Variants in PRKG1 observed in about 807,000 individuals in gnomAD.
The protein encoded by PRKG1 is protein kinase cGMP-dependent 1.
A neutral mutation model predicts 88.1 loss-of-function variants in PRKG1; 35 were observed. The ratio of observed to expected loss-of-function variants is 0.40; its 90% CI spans 0.30 to 0.53. The LOEUF is 0.53. Among genes scored for constraint, PRKG1 ranks in the 20% least tolerant of loss-of-function variants. PRKG1 has a pLI of 0.59. For synonymous variants in PRKG1, 303 were observed against 292.5 expected, an observed-to-expected ratio of 1.04 and a Z score of -0.37; for missense variants, 540 against 839.8, an observed-to-expected ratio of 0.64 and a Z score of 4.41.
At chr10:51,819,639 G>T (rs1420506163) in intron 4 of PRKG1, among the ~76,000 whole-genome samples, 2 of 152,118 alleles carry the variant, frequency 1.3e-5, no homozygotes, top group Non-Finnish European at 2.9e-5. Context: ...AGTGTTTGCA[G>T]GAGTCAGGAA....
chr10:51,247,405 A>G (rs1469502021), intron 2 of PRKG1, among the ~76,000 whole-genome samples: 1 of 152,044 alleles, frequency 6.6e-6, no homozygotes, highest in Non-Finnish European at 1.5e-5. Flanking sequence ...GAATTACATG[A>G]GCAAAACACA....
intron 2 of PRKG1, among the ~76,000 whole-genome samples, chr10:51,335,800 T>A (rs1841861668): frequency 6.6e-6 from 1 of 152,178 alleles, no homozygotes; most frequent in South Asian, 2.1e-4. Context: ...TCAACAAAGA[T>A]CATTGAGTAG....
intron 10 of PRKG1, among the ~76,000 whole-genome samples, chr10:52,265,486 G>A (rs1010647406): frequency 6.6e-6 from 1 of 152,038 alleles, no homozygotes; most frequent in Admixed American, 6.6e-5. Context: ...TAATAACAAG[G>A]TTAAATGAAT....
intron 4 of PRKG1, among the ~76,000 whole-genome samples, chr10:51,831,499 C>A (rs10999683): frequency 0.044 from 6,752 of 152,070 alleles, 317 homozygotes; most frequent in African/African-American, 0.11. Flanking sequence ...TAAAACAGAA[C>A]AAAACAAAAG....
intron 2 of PRKG1, among the ~76,000 whole-genome samples, chr10:51,405,476 C>T (rs1015147344): frequency 6.6e-6 from 1 of 152,218 alleles, no homozygotes; most frequent in African/African-American, 2.4e-5. Flanking sequence ...AGGATCTCCA[C>T]ACCGTGAATG....
chr10:51,945,401 C>G (rs1010832737), intron 5 of PRKG1, among the ~76,000 whole-genome samples: 24 of 151,144 alleles, frequency 1.6e-4, no homozygotes, highest in Admixed American at 1.1e-3. Context: ...GGTCTTGACT[C>G]TTTATCCAAT....
chr10:52,290,963 C>T (rs1842227601), intron 17 of PRKG1, among the ~76,000 whole-genome samples: 1 of 145,662 alleles, frequency 6.9e-6, no homozygotes, highest in Non-Finnish European at 1.5e-5. Context: ...TAATCTGTCA[C>T]CCAGGCTGGA....
chr10:52,081,749 G>A (rs573205321), intron 7 of PRKG1: 53 of 449,434 alleles, frequency 1.2e-4, no homozygotes, highest in South Asian at 7.7e-4. Flanking sequence ...TAGGTTGGAG[G>A]AATTTGCAAT....
chr10:51,507,289 CTT>C (rs1233781458), intron 3 of PRKG1, among the ~76,000 whole-genome samples: 4 of 145,124 alleles, frequency 2.8e-5, no homozygotes, highest in Non-Finnish European at 6.1e-5. Context: ...TACCCTAAAA[CTT>C]AAAGTATAAA....
At chr10:51,188,062 T>A (rs1837539169) in intron 2 of PRKG1, among the ~76,000 whole-genome samples, 1 of 151,890 alleles carries the variant, frequency 6.6e-6, no homozygotes, top group Non-Finnish European at 1.5e-5. Context: ...AAATTAGGAG[T>A]ATAGAATTTT....
intron 9 of PRKG1, among the ~76,000 whole-genome samples, chr10:52,181,419 C>CTTTT (rs761799361): frequency 3.5e-3 from 192 of 54,662 alleles, no homozygotes; most frequent in East Asian, 4.4e-3. Context: ...CACAGCTCTT[C>CTTTT]TTTTTTTTTT....
rs534682934 is a variant in PRKG1 at position 52,295,766 on chromosome 10, A to G, written c.*1866A>G. ...TATAAATTTTGCTTGAATTGTTCTT[A>G]CTCAAAACTACCTTAGAATATGGTA... On this transcript the variant is annotated 3_prime_UTR_variant, in exon 18 of 18. Coordinates refer to ENST00000373980, the MANE Select transcript of PRKG1 (RefSeq NM_006258.4). The G allele has an allele frequency of 6.6e-6, 1 of 152,134 alleles. No individual in the cohort carries two copies. Among genetic ancestry groups the G allele is most frequent in the Admixed American group, 6.6e-5 (1 of 15,260 alleles). The allele number at this position is 152,134 out of a possible 1,614,324, so 9.4% of individuals were successfully genotyped here.
chr10:51,561,132 A>G (rs1441279183), intron 3 of PRKG1, among the ~76,000 whole-genome samples: 1 of 152,024 alleles, frequency 6.6e-6, no homozygotes, highest in East Asian at 1.9e-4. Flanking sequence ...AGAAAAAATT[A>G]GCTGGGTGTG....
rs1177164567 is a variant in PRKG1, at chr10:51,743,672, T to TTA, written c.593-60902_593-60901dup. On this transcript the variant is annotated intron_variant, in intron 3 of 17. Transcript: ENST00000373980. ...TAATATAAACTAAATATATATATAT[T>TTA]TATATATATATAATTTATTATATAT... Among the ~76,000 whole-genome samples, 136 of 123,858 alleles carry TTA rather than the reference T, an allele frequency of 1.1e-3. 1 individual carries two copies. Among genetic ancestry groups the TTA allele is most frequent in the African/African-American group, 3.6e-3 (117 of 32,524 alleles). The allele number at this position is 123,858 out of a possible 152,430, so 81.3% of individuals were successfully genotyped here.
At chr10:51,806,637 C>T (rs376860805) in intron 4 of PRKG1, among the ~76,000 whole-genome samples, 4 of 152,192 alleles carry the variant, frequency 2.6e-5, no homozygotes, top group African/African-American at 9.7e-5. Flanking sequence ...GGATGACCAT[C>T]ATTGCCTGAG....
rs71032630 is a variant in PRKG1, at chr10:52,224,808, C to CATAT, written c.1077-26734_1077-26731dup. On this transcript the variant is annotated intron_variant, in intron 9 of 17. Coordinates refer to ENST00000373980, the MANE Select transcript of PRKG1 (RefSeq NM_006258.4). ...TTTTTATGGCTGCATAGTATTCCAT[C>CATAT]ATATATATATATATATATATATATA... Among the ~76,000 whole-genome samples the CATAT allele has an allele frequency of 5.4e-3, 575 of 106,336 alleles. 24 individuals carry two copies. The highest frequency in any genetic ancestry group is 0.018 in the African/African-American group (477 of 26,726). The allele number at this position is 106,336 out of a possible 152,430, so 69.8% of individuals were successfully genotyped here. A position where few individuals can be genotyped will look rare whatever the true frequency, so the allele number is the denominator to read the frequency against.
chr10:51,231,735 C>A (rs1193656108), intron 2 of PRKG1, among the ~76,000 whole-genome samples: 1 of 150,516 alleles, frequency 6.6e-6, no homozygotes, highest in African/African-American at 2.4e-5. Flanking sequence ...TTACCTACAA[C>A]ACTTCTAGAT....
chr10:51,588,761 A>C (rs1001804110), intron 3 of PRKG1, among the ~76,000 whole-genome samples: 1 of 152,192 alleles, frequency 6.6e-6, no homozygotes, highest in African/African-American at 2.4e-5. Context: ...ATAATCCGAA[A>C]GGTTTCTTTG....
rs756866692 is a variant in PRKG1 at position 51,074,770 on chromosome 10, G to A, written c.180G>A (p.Ala60=). Reference sequence around the variant, plus strand: ...TGATCCGACCAGCCACCCAGCAGGCGCAGAAGCAGAGCGCGAGCACCTTGC... The same window carrying A: ...TGATCCGACCAGCCACCCAGCAGGCACAGAAGCAGAGCGCGAGCACCTTGC... ...RSVIRPATQQ[A]QKQSASTLQG... The change falls in exon 1 of 18, where the codon GCG becomes GCA. Residue 60 remains alanine (A), a synonymous_variant. Coordinates refer to ENST00000373980, the MANE Select transcript of PRKG1 (RefSeq NM_006258.4). 4 of 1,613,978 alleles carry A rather than the reference G, an allele frequency of 2.5e-6. No individual in the cohort carries two copies. Among genetic ancestry groups the A allele is most frequent in the Non-Finnish European group, 3.4e-6 (4 of 1,179,942 alleles).
Sources: allele counts gnomAD v4.1 joint callset (sites outside exome capture counted in the v4.1 genomes callset), GRCh38; gene constraint gnomAD v4.1.1; transcripts MANE v1.5; gene names NCBI Gene and HGNC (gene_info 2026-07-23, HGNC 2026-07-21).